The following GXYLT1 variants were observed in gnomAD, a reference collection of about 807,000 sequenced individuals.
The protein encoded by GXYLT1 is glycosyltransferase 8 domain containing 3.
In GXYLT1, 29 loss-of-function variants were observed where a neutral mutation model predicts 54.0. The ratio of observed to expected loss-of-function variants is 0.54; its 90% CI spans 0.40 to 0.73. The LOEUF (loss-of-function observed/expected upper bound fraction) is 0.73. Among genes scored for constraint, GXYLT1 ranks in the 30% least tolerant of loss-of-function variants. GXYLT1 has a pLI of 0.00. For missense variants in GXYLT1, 490 were observed against 553.4 expected (o/e 0.89, Z 1.15); for synonymous variants, 176 against 204.1 (o/e 0.86, Z 1.17).
chr12:42,107,195 C>A (rs1458167720), intron 4 of GXYLT1, among the ~76,000 whole-genome samples: 1 of 152,150 alleles, frequency 6.6e-6, no homozygotes, highest in Non-Finnish European at 1.5e-5. Context: ...GGAGCTTGAT[C>A]CTAGTTCTGC....
chr12:42,106,763 T>TG (rs59733185), intron 4 of GXYLT1, among the ~76,000 whole-genome samples: 4 of 147,496 alleles, frequency 2.7e-5, no homozygotes, highest in Non-Finnish European at 6.0e-5. Context: ...TTTTTTTTTT[T>TG]GAGACAGAGT....
intron 5 of GXYLT1, among the ~76,000 whole-genome samples, chr12:42,099,267 A>G (rs1039272364): frequency 4.6e-5 from 7 of 152,154 alleles, no homozygotes; most frequent in African/African-American, 1.7e-4. Context: ...TCAGGAGGAG[A>G]CCATACTACG....
rs931046084 is a variant in GXYLT1 at position 42,125,709 on chromosome 12, T to C, written c.314+4050A>G. 2.4e-4 allele frequency among the ~76,000 whole-genome samples: 37 copies of C among 152,258 alleles called. 1 individual carries two copies. Among genetic ancestry groups the C allele is most frequent in the African/African-American group, 7.9e-4 (33 of 41,564 alleles). On this transcript the variant is annotated intron_variant, in intron 2 of 7. Transcript: ENST00000398675. ...GCAGACAGCTGAGGTGTGAAGTTCT[T>C]TTTATTAAAAGAAGTAAAACCAAGG...
intron 1 of GXYLT1, among the ~76,000 whole-genome samples, chr12:42,143,594 G>A (rs1011937845): frequency 2.0e-5 from 3 of 152,210 alleles, no homozygotes; most frequent in East Asian, 1.9e-4. Flanking sequence ...CATTCCCAGA[G>A]AGATGCCCAT....
chr12:42,110,388 T>TG (rs988448473), intron 3 of GXYLT1, among the ~76,000 whole-genome samples: 11 of 152,056 alleles, frequency 7.2e-5, no homozygotes, highest in African/African-American at 1.4e-4. Context: ...AAACAATCTA[T>TG]GGGGGGGAAA....
At chr12:42,106,737 A>ATTTTT (rs2065423438) in intron 4 of GXYLT1, among the ~76,000 whole-genome samples, 1 of 130,460 alleles carries the variant, frequency 7.7e-6, no homozygotes, top group African/African-American at 2.9e-5. Context: ...AATTATTATT[A>ATTTTT]TTTTTCTTTT....
Position 42,137,236 on chromosome 12 carries a change from C to T in GXYLT1, c.221+7190G>A, listed in dbSNP as rs187287570. The stretch of plus-strand genomic sequence containing the variant: ...AAAAATACAAAAATTAGGCCAGGCG[C>T]AGTGGCTCACGCCTGTAATCCCAGC... On this transcript the variant is annotated intron_variant, in intron 1 of 7. Coordinates refer to ENST00000398675, the MANE Select transcript of GXYLT1 (RefSeq NM_173601.2). Among the ~76,000 whole-genome samples, 6 of 152,196 alleles carry T rather than the reference C, an allele frequency of 3.9e-5. No homozygotes were observed. In the East Asian group the frequency reaches 1.2e-3, roughly 29 times the overall value.
chr12:42,144,368 G>A (rs1319874328), intron 1 of GXYLT1, 58 bp downstream of exon 1: 23 of 1,195,068 alleles, frequency 1.9e-5, no homozygotes, highest in South Asian at 5.1e-5. Context: ...GGGCTAGGCC[G>A]AGCCCGCGCC....
intron 5 of GXYLT1, among the ~76,000 whole-genome samples, chr12:42,100,956 T>A (rs1453356228): frequency 6.6e-6 from 1 of 151,708 alleles, no homozygotes; most frequent in Non-Finnish European, 1.5e-5. Context: ...TATTTGAATA[T>A]ATATCTTACA....
At chr12:42,092,502 C>T (rs1174806550) in intron 7 of GXYLT1, among the ~76,000 whole-genome samples, 1 of 152,130 alleles carries the variant, frequency 6.6e-6, no homozygotes, top group Non-Finnish European at 1.5e-5. Context: ...GTTCATGCAT[C>T]CACCTAGAGG....
chr12:42,107,488 C>T (rs903425435), intron 4 of GXYLT1, among the ~76,000 whole-genome samples: 9 of 152,192 alleles, frequency 5.9e-5, no homozygotes, highest in East Asian at 3.9e-4. Context: ...GTCAGGGCTT[C>T]GAGACCAGCC....
intron 1 of GXYLT1, among the ~76,000 whole-genome samples, chr12:42,137,762 G>GAAAAAAAAAA (rs56387868): frequency 2.3e-4 from 25 of 107,148 alleles, no homozygotes; most frequent in African/African-American, 3.1e-4. Flanking sequence ...ATCTCAAATT[G>GAAAAAAAAAA]AAAAAAAAAA....
At chr12:42,139,376 T>A (rs2065638990) in intron 1 of GXYLT1, among the ~76,000 whole-genome samples, 1 of 152,188 alleles carries the variant, frequency 6.6e-6, no homozygotes, top group Non-Finnish European at 1.5e-5. Flanking sequence ...TCAAAATTCA[T>A]ATGTTGAAAT....
chr12:42,117,814 A>C (rs369541479), intron 3 of GXYLT1, among the ~76,000 whole-genome samples: 2 of 152,208 alleles, frequency 1.3e-5, no homozygotes, highest in African/African-American at 2.4e-5. Flanking sequence ...GGCTGACCTG[A>C]TTAAAGAGTA....
intron 4 of GXYLT1, 32 bp from the exon 5 acceptor site, chr12:42,106,101 TA>T (rs766513988): frequency 6.7e-7 from 1 of 1,493,274 alleles, no homozygotes; most frequent in Admixed American, 1.9e-5. Context: ...TGATTAACTA[TA>T]ATTCTATTTT....
At chr12:42,116,442 AC>A (rs1374242572) in intron 3 of GXYLT1, among the ~76,000 whole-genome samples, 5 of 152,218 alleles carry the variant, frequency 3.3e-5, no homozygotes, top group African/African-American at 1.2e-4. Flanking sequence ...CAAGAAAAAA[AC>A]AACCCCATCA....
intron 4 of GXYLT1, 24 bp downstream of exon 4, chr12:42,109,542 A>AG: frequency 6.9e-7 from 1 of 1,440,100 alleles, no homozygotes; most frequent in Non-Finnish European, 9.1e-7. Flanking sequence ...AAAAAAAAAA[A>AG]AGACACTAGG....
Position 42,109,688 on chromosome 12 carries a change from C to T in GXYLT1, c.490G>A (p.Asp164Asn). The T allele has an allele frequency of 6.7e-7, 1 of 1,493,834 alleles. No homozygotes were observed. Among genetic ancestry groups the T allele is most frequent in the Non-Finnish European group, 9.1e-7 (1 of 1,098,532 alleles). The allele number at this position is 1,493,834 out of a possible 1,614,324, so 92.5% of individuals were successfully genotyped here. The change falls in exon 4 of 8, where the codon GAC (aspartate) becomes AAC (asparagine). Residue 164 changes from aspartate to asparagine, a missense_variant. Around this residue, in one of 2 missense-constraint regions of GXYLT1, gnomAD observed 342 missense variants for 342.6 expected, o/e 1.00. Transcript: ENST00000398675. ...AATGTTTGTAGAAATGACCAGTTGT[C>T]AAGCTAAAACAATTTAAAAAAAAAC... is the stretch of plus-strand genomic sequence containing the variant. The part of the protein sequence containing the change: ...QLHHSFKGRL[D>N]NWSFLQTFNY...
At chr12:42,122,616 G>A (rs779855671) in intron 2 of GXYLT1, among the ~76,000 whole-genome samples, 6 of 151,910 alleles carry the variant, frequency 3.9e-5, no homozygotes, top group Admixed American at 2.0e-4. Flanking sequence ...TGAACACATC[G>A]TCAAAAAATG....
Sources: allele counts gnomAD v4.1 joint callset (sites outside exome capture counted in the v4.1 genomes callset), GRCh38; gene constraint gnomAD v4.1.1; regional missense constraint gnomAD v4.1.1; transcripts MANE v1.5; gene names NCBI Gene and HGNC (gene_info 2026-07-23, HGNC 2026-07-21).